The following IL1RAPL1 variants were observed in gnomAD, a reference collection of about 807,000 sequenced individuals.
IL1RAPL1 encodes the protein interleukin 1 receptor accessory protein like 1.
A neutral mutation model predicts 48.4 loss-of-function variants in IL1RAPL1; 3 were observed. The observed-to-expected ratio is 0.06, with a 90% CI of 0.03 to 0.16. IL1RAPL1 has a LOEUF of 0.16. Among genes scored for constraint, IL1RAPL1 ranks in the 10% least tolerant of loss-of-function variants. IL1RAPL1 has a pLI of 1.00. For synonymous variants in IL1RAPL1, 185 were observed against 187.7 expected, an observed-to-expected ratio of 0.99 and a Z score of 0.12; for missense variants, 349 against 530.6, an observed-to-expected ratio of 0.66 and a Z score of 3.36.
intron 6 of IL1RAPL1, among the ~76,000 whole-genome samples, chrX:29,755,085 T>C (rs747480278): frequency 5.5e-4 from 62 of 112,362 alleles, no homozygotes; most frequent in Non-Finnish European, 9.0e-4. Context: ...CAGAGGCCTT[T>C]TTCAGTTCCT....
intron 5 of IL1RAPL1, among the ~76,000 whole-genome samples, chrX:29,535,466 G>C (rs183543491): frequency 4.0e-4 from 45 of 111,717 alleles, no homozygotes; most frequent in African/African-American, 1.5e-3. Flanking sequence ...AAGGCTCTTT[G>C]TGGGGTACCA....
chrX:29,228,510 A>G (rs886161590), intron 2 of IL1RAPL1, among the ~76,000 whole-genome samples: 8 of 107,859 alleles, frequency 7.4e-5, no homozygotes, highest in African/African-American at 2.7e-4. Context: ...GCGTGCCACC[A>G]CACCTGGCTA....
At chrX:28,804,843 A>T (rs1936711944) in intron 2 of IL1RAPL1, among the ~76,000 whole-genome samples, 1 of 111,613 alleles carries the variant, frequency 9.0e-6, no homozygotes, top group South Asian at 3.7e-4. Context: ...TGTCAATCAC[A>T]GTGGTATATT....
At chrX:29,744,275 G>A (rs1232012689) in intron 6 of IL1RAPL1, among the ~76,000 whole-genome samples, 6 of 111,742 alleles carry the variant, frequency 5.4e-5, no homozygotes, top group Non-Finnish European at 1.1e-4. Context: ...TGTTAAGTAT[G>A]ATGCAAAAAA....
At chrX:28,706,902 A>G (rs1244900295) in intron 1 of IL1RAPL1, among the ~76,000 whole-genome samples, 1 of 112,221 alleles carries the variant, frequency 8.9e-6, no homozygotes, top group Non-Finnish European at 1.9e-5. Flanking sequence ...GTGAATCAGG[A>G]TTGATAACAC....
chrX:28,618,419 T>G (rs1934246059), intron 1 of IL1RAPL1, among the ~76,000 whole-genome samples: 1 of 112,469 alleles, frequency 8.9e-6, no homozygotes, highest in Admixed American at 9.4e-5. Flanking sequence ...TTACTAAAGT[T>G]ATTACATTTT....
At chrX:28,943,955 A>G (rs1262342560) in intron 2 of IL1RAPL1, among the ~76,000 whole-genome samples, 1 of 111,160 alleles carries the variant, frequency 9.0e-6, no homozygotes, top group Non-Finnish European at 1.9e-5. Flanking sequence ...GCATTTGGAC[A>G]AGTCAGCTCA....
intron 2 of IL1RAPL1, among the ~76,000 whole-genome samples, chrX:28,893,198 A>C (rs1442008246): frequency 9.0e-6 from 1 of 111,699 alleles, no homozygotes; most frequent in Non-Finnish European, 1.9e-5. Flanking sequence ...AGGAGCGTCT[A>C]TACAGGAGCT....
intron 2 of IL1RAPL1, among the ~76,000 whole-genome samples, chrX:29,004,908 G>A (rs1389000654): frequency 2.7e-5 from 3 of 111,990 alleles, no homozygotes; most frequent in African/African-American, 9.7e-5. Context: ...CCTCATGATA[G>A]TGACAGGTAC....
At chrX:29,661,864 T>A (rs780216890) in intron 5 of IL1RAPL1, among the ~76,000 whole-genome samples, 5 of 111,224 alleles carry the variant, frequency 4.5e-5, no homozygotes, top group Admixed American at 9.6e-5. Context: ...GGGAAAAAAA[T>A]TCTACCACTT....
At chrX:29,688,754 C>CTCTCTCTCTCTCTCTCTCTG (rs58405949) in intron 6 of IL1RAPL1, among the ~76,000 whole-genome samples, 1 of 103,902 alleles carries the variant, frequency 9.6e-6, no homozygotes. Flanking sequence ...CTCTCTCTCT[C>CTCTCTCTCTCTCTCTCTCTG]TGTGTGTGTC....
intron 6 of IL1RAPL1, among the ~76,000 whole-genome samples, chrX:29,840,366 G>T (rs1275255532): frequency 9.0e-6 from 1 of 111,335 alleles, no homozygotes; most frequent in Non-Finnish European, 1.9e-5. Context: ...CATTCTATTG[G>T]CTCCCCTGCA....
intron 1 of IL1RAPL1, among the ~76,000 whole-genome samples, chrX:28,588,435 A>G (rs1179439923): frequency 8.9e-6 from 1 of 111,825 alleles, no homozygotes; most frequent in Non-Finnish European, 1.9e-5. Flanking sequence ...AGCAGCAGTA[A>G]AAGAAACACT....
At chrX:28,668,013 C>T (rs1165927918) in intron 1 of IL1RAPL1, among the ~76,000 whole-genome samples, 4 of 112,048 alleles carry the variant, frequency 3.6e-5, no homozygotes, top group East Asian at 5.7e-4. Flanking sequence ...CAGCCTTCAG[C>T]GGTGGCAGCC....
chrX:28,653,464 G>C lies in IL1RAPL1; in HGVS notation c.-25+65417G>C, dbSNP rs764744959. On this transcript the variant is annotated intron_variant, in intron 1 of 10. Transcript: ENST00000378993. ...CACTCCAGCCTGGGCGACAGAGAGA[G>C]ACTGGGTCTCAAAAAAAAAAAGGCT... 9.4e-5 allele frequency among the ~76,000 whole-genome samples: 10 copies of C among 106,360 alleles called. No individual in the cohort carries two copies. In the East Asian group the frequency reaches 2.9e-3, roughly 31 times the overall value. 92.4% of individuals were successfully genotyped at this position (106,360 alleles called of 115,157 possible).
intron 6 of IL1RAPL1, among the ~76,000 whole-genome samples, chrX:29,741,882 T>G (rs186050460): frequency 0.032 from 2,755 of 86,075 alleles, 104 homozygotes; most frequent in African/African-American, 0.12. Flanking sequence ...CTGAGATCAC[T>G]CCACTGCACT....
intron 2 of IL1RAPL1, among the ~76,000 whole-genome samples, chrX:28,931,819 C>G (rs372390623): frequency 9.1e-6 from 1 of 109,905 alleles, no homozygotes; most frequent in African/African-American, 3.3e-5. Context: ...GGGTGGATCA[C>G]GAGGTCAGGA....
At chrX:29,149,716 G>A (rs1341419886) in intron 2 of IL1RAPL1, among the ~76,000 whole-genome samples, 2 of 112,108 alleles carry the variant, frequency 1.8e-5, no homozygotes, top group Non-Finnish European at 3.8e-5. Context: ...ATCTTGAAAT[G>A]TAGTAAGCAC....
At chrX:29,917,889 A>C (rs1932811149) in intron 7 of IL1RAPL1, among the ~76,000 whole-genome samples, 1 of 107,335 alleles carries the variant, frequency 9.3e-6, no homozygotes, top group African/African-American at 3.4e-5. Flanking sequence ...TTGGGAGGTC[A>C]GATTGGGCGG....
Sources: gnomAD v4.1 joint callset for allele counts (sites outside exome capture counted in the v4.1 genomes callset) on GRCh38, gnomAD v4.1.1 for gene constraint, MANE v1.5 for transcripts, NCBI Gene and HGNC (gene_info 2026-07-23, HGNC 2026-07-21) for gene names.